STAG1: variants seen among roughly 807,000 people sequenced by gnomAD.
The protein encoded by STAG1 is cohesin subunit SA-1.
STAG1 carries 26 observed loss-of-function variants against 170.9 expected under a neutral mutation model. That is an observed-to-expected ratio of 0.15 (90% CI 0.11 to 0.21). The LOEUF is 0.21. STAG1 is among the 10% of genes least tolerant of loss of function. The pLI, the probability that STAG1 is intolerant of heterozygous loss-of-function variation, is 1.00. For synonymous variants in STAG1, 514 were observed against 497.7 expected (o/e 1.03, Z -0.44); for missense variants, 964 against 1,509.5 (o/e 0.64, Z 5.99).
intron 16 of STAG1, among the ~76,000 whole-genome samples, chr3:136,423,278 T>C (rs1333114871): frequency 6.6e-6 from 1 of 152,166 alleles, no homozygotes; most frequent in Non-Finnish European, 1.5e-5. Flanking sequence ...TAAAAATATA[T>C]ACATATTAAT....
intron 5 of STAG1, among the ~76,000 whole-genome samples, chr3:136,558,351 C>T (rs577520448): frequency 3.9e-5 from 6 of 152,086 alleles, no homozygotes; most frequent in Non-Finnish European, 8.8e-5. Flanking sequence ...AAGATTGCAC[C>T]GCTGCACTCC....
At chr3:136,443,586 A>G (rs531448914) in intron 14 of STAG1, among the ~76,000 whole-genome samples, 182 bp from the exon 15 acceptor site, 5 of 152,204 alleles carry the variant, frequency 3.3e-5, no homozygotes, top group Admixed American at 6.5e-5. Context: ...TGCAGTATGT[A>G]GAATCAACTT....
chr3:136,460,811 A>G (rs1000433918), intron 13 of STAG1, among the ~76,000 whole-genome samples: 4 of 152,174 alleles, frequency 2.6e-5, no homozygotes, highest in African/African-American at 9.7e-5. Flanking sequence ...AATACCTCCA[A>G]GCTCATTCTA....
rs1553753147 is a variant in STAG1, at chr3:136,604,486, T to C, written c.133-13A>G. The C allele has an allele frequency of 5.1e-6, 8 of 1,583,560 alleles. No homozygotes were observed. Among genetic ancestry groups the C allele is most frequent in the Non-Finnish European group, 6.8e-6 (8 of 1,170,314 alleles). On this transcript the variant is annotated splice_polypyrimidine_tract_variant and intron_variant, in intron 3 of 33. Transcript: ENST00000383202. ...TCTTATTTGTAGACTGAAAAAAAGATAAAAAAAGATTCCATTCGATTAGGT... is the reference window on the plus strand; with the variant it reads ...TCTTATTTGTAGACTGAAAAAAAGACAAAAAAAGATTCCATTCGATTAGGT...
intron 4 of STAG1, among the ~76,000 whole-genome samples, chr3:136,592,891 A>G (rs1222469372): frequency 6.6e-6 from 1 of 152,212 alleles, no homozygotes; most frequent in Non-Finnish European, 1.5e-5. Context: ...TTTCTGCTAC[A>G]ACTTGGTATA....
At chr3:136,731,364 C>G (rs1236426596) in intron 1 of STAG1, among the ~76,000 whole-genome samples, 1 of 152,116 alleles carries the variant, frequency 6.6e-6, no homozygotes, top group African/African-American at 2.4e-5. Context: ...GGCAGGTAAA[C>G]TAGAAAAAGC....
chr3:136,624,519 T>C (rs1464209092), intron 2 of STAG1, among the ~76,000 whole-genome samples: 1 of 152,196 alleles, frequency 6.6e-6, no homozygotes, highest in Non-Finnish European at 1.5e-5. Context: ...ATAAAGACAT[T>C]TGTTGAAACT....
At chr3:136,651,524 A>G (rs1459490530) in intron 1 of STAG1, among the ~76,000 whole-genome samples, 3 of 152,148 alleles carry the variant, frequency 2.0e-5, no homozygotes, top group African/African-American at 4.8e-5. Context: ...TTTACAAGTT[A>G]GTAAATATTT....
chr3:136,708,701 G>C (rs1038443050), intron 1 of STAG1, among the ~76,000 whole-genome samples: 3 of 152,076 alleles, frequency 2.0e-5, no homozygotes, highest in African/African-American at 7.2e-5. Flanking sequence ...ACAGTTTCTA[G>C]GCTTACTATG....
In STAG1 at chr3:136,336,948, A is replaced by AAATC. The variant is rs1345242216; in HGVS notation, c.*1302_*1305dup. The AAATC allele has an allele frequency of 2.3e-5, 1 of 44,148 alleles. No homozygotes were observed. Among genetic ancestry groups the AAATC allele is most frequent in the East Asian group, 6.2e-4 (1 of 1,624 alleles). 2.7% of individuals were successfully genotyped at this position (44,148 alleles called of 1,614,324 possible). ...TTGGAAATTCTGAGGCTTACTTTAG[A>AAATC]AATCAGAAAGGAAGAGAGAGACTAA... is the stretch of plus-strand genomic sequence containing the variant. On this transcript the variant is annotated 3_prime_UTR_variant, in exon 34 of 34. Coordinates refer to ENST00000383202, the MANE Select transcript of STAG1 (RefSeq NM_005862.3).
intron 1 of STAG1, among the ~76,000 whole-genome samples, chr3:136,683,192 G>A (rs1045603272): frequency 6.6e-6 from 1 of 151,962 alleles, no homozygotes; most frequent in African/African-American, 2.4e-5. Context: ...GCACAACAAT[G>A]GGAATATATT....
chr3:136,379,657 C>T (rs1937832999), intron 22 of STAG1, among the ~76,000 whole-genome samples: 1 of 151,984 alleles, frequency 6.6e-6, no homozygotes, highest in Non-Finnish European at 1.5e-5. Flanking sequence ...TGCAGTGAGC[C>T]GAGACTGCGC....
rs1935752049 is a variant in STAG1, at chr3:136,337,765, G to A, written c.*489C>T. ...TCCAGTGAACTCCAAAACACTCTTCGCAATTAGGATGAGCTGCTTACTCAT... is the reference window on the plus strand; with the variant it reads ...TCCAGTGAACTCCAAAACACTCTTCACAATTAGGATGAGCTGCTTACTCAT... On this transcript the variant is annotated 3_prime_UTR_variant, in exon 34 of 34. Coordinates refer to ENST00000383202, the MANE Select transcript of STAG1 (RefSeq NM_005862.3). 1 of 152,756 alleles carries A rather than the reference G, an allele frequency of 6.5e-6. No individual in the cohort carries two copies. The highest frequency in any genetic ancestry group is 6.5e-5 in the Admixed American group (1 of 15,280). The allele number at this position is 152,756 out of a possible 1,614,324, so 9.5% of individuals were successfully genotyped here.
At chr3:136,625,614 G>A (rs1940060473) in intron 2 of STAG1, among the ~76,000 whole-genome samples, 1 of 152,110 alleles carries the variant, frequency 6.6e-6, no homozygotes, top group African/African-American at 2.4e-5. Context: ...AACTCGAATT[G>A]ATAGAATGAT....
At chr3:136,494,346 A>C (rs1252633207) in intron 9 of STAG1, among the ~76,000 whole-genome samples, 1 of 152,166 alleles carries the variant, frequency 6.6e-6, no homozygotes, top group Non-Finnish European at 1.5e-5. Flanking sequence ...GTAATTAAAA[A>C]CCTTTACACA....
chr3:136,741,247 T>C (rs1275619383), intron 1 of STAG1, among the ~76,000 whole-genome samples: 3 of 152,228 alleles, frequency 2.0e-5, no homozygotes, highest in Non-Finnish European at 2.9e-5. Context: ...AGCTCAGAAA[T>C]CTGATGCAAA....
At chr3:136,605,323 C>T (rs1938880326) in intron 3 of STAG1, among the ~76,000 whole-genome samples, 1 of 152,194 alleles carries the variant, frequency 6.6e-6, no homozygotes, top group Non-Finnish European at 1.5e-5. Context: ...ATAATCTTAT[C>T]TCTATCTCAC....
chr3:136,511,698 C>A (rs560620250), intron 7 of STAG1, among the ~76,000 whole-genome samples: 1 of 152,220 alleles, frequency 6.6e-6, no homozygotes, highest in East Asian at 1.9e-4. Flanking sequence ...CTAATGGGTA[C>A]TAGGCTTAAT....
rs200394691 is a variant in STAG1 at position 136,554,421 on chromosome 3, T to TA, written c.395-12227dup. On this transcript the variant is annotated intron_variant, in intron 5 of 33. Coordinates refer to ENST00000383202, the MANE Select transcript of STAG1 (RefSeq NM_005862.3). ...GAGCTAACAATGGACATACTACACCTAAAAAATGCATAATACGCATGAGTT... is the reference window on the plus strand; with the variant it reads ...GAGCTAACAATGGACATACTACACCTAAAAAAATGCATAATACGCATGAGTT... 4.2e-3 allele frequency among the ~76,000 whole-genome samples: 640 copies of TA among 152,268 alleles called. 6 individuals are homozygous for TA. The highest frequency in any genetic ancestry group is 0.015 in the African/African-American group (606 of 41,548).
Sources: gnomAD v4.1 joint callset for allele counts (sites outside exome capture counted in the v4.1 genomes callset) on GRCh38, gnomAD v4.1.1 for gene constraint, MANE v1.5 for transcripts, NCBI Gene and HGNC (gene_info 2026-07-23, HGNC 2026-07-21) for gene names.